RP1: variants seen among roughly 807,000 people sequenced by gnomAD.
RP1 encodes the protein RP1 axonemal microtubule associated.
Under a neutral mutation model 14.8 loss-of-function variants are expected in RP1, and 16 were observed. The observed-to-expected ratio is 1.08, with a 90% CI of 0.73 to 1.65. The LOEUF is 1.65. Ranked by LOEUF, RP1 falls within the 40% of genes most tolerant of loss-of-function variation. RP1 has a pLI of 0.00. For synonymous variants in RP1, 876 were observed against 883.6 expected (o/e 0.99, Z 0.15); for missense variants, 2,631 against 2,535.0 (o/e 1.04, Z -0.81).
intron 22 of RP1, chr8:54,769,634 C>T (rs1809852796): frequency 2.5e-6 from 2 of 795,898 alleles, no homozygotes; most frequent in South Asian, 1.8e-5. Context: ...ATTTAGTGTG[C>T]AAAATTAATG....
At chr8:54,691,545 T>C (rs1226106304) in intron 12 of RP1, among the ~76,000 whole-genome samples, 1 of 151,972 alleles carries the variant, frequency 6.6e-6, no homozygotes, top group Admixed American at 6.6e-5. Context: ...GAGCGAGAGA[T>C]GAGTGGAGAT....
chr8:54,701,841 T>G (rs1808028608), intron 14 of RP1, among the ~76,000 whole-genome samples: 1 of 152,132 alleles, frequency 6.6e-6, no homozygotes. Context: ...GATGACAGCT[T>G]TAGTAGCAAT....
intron 6 of RP1, chr8:54,656,289 A>G: frequency 7.0e-7 from 1 of 1,430,854 alleles, no homozygotes. Flanking sequence ...GGAACCAATA[A>G]ACACATGTTG....
intron 1 of RP1, among the ~76,000 whole-genome samples, chr8:54,567,631 GA>G (rs35219913): frequency 0.22 from 33,551 of 149,730 alleles, 4,103 homozygotes; most frequent in East Asian, 0.28. Flanking sequence ...TAGGTTCAGG[GA>G]AAAAAAAAAT....
chr8:54,692,567 G>A (rs1807740948), intron 12 of RP1, among the ~76,000 whole-genome samples: 1 of 57,832 alleles, frequency 1.7e-5, no homozygotes, highest in Non-Finnish European at 3.2e-5. Flanking sequence ...CTGATGGCCA[G>A]TGATAATGAG....
chr8:54,742,232 TA>T (rs1318813466), intron 19 of RP1, among the ~76,000 whole-genome samples: 12 of 152,234 alleles, frequency 7.9e-5, no homozygotes, highest in African/African-American at 2.9e-4. Context: ...CTTTAAATAC[TA>T]TATCTGTCAC....
chr8:54,679,853 A>G (rs978895885), exon 12 of RP1: 13 of 1,535,966 alleles, frequency 8.5e-6, no homozygotes, highest in East Asian at 4.9e-5. Context: ...CTTCAGTTCT[A>G]TAACAAGCTG....
At chr8:54,827,374 T>C (rs1811407697) in intron 24 of RP1, among the ~76,000 whole-genome samples, 1 of 151,952 alleles carries the variant, frequency 6.6e-6, no homozygotes. Flanking sequence ...TTGCCCAGGC[T>C]GGAGTGCAGT....
intron 16 of RP1, among the ~76,000 whole-genome samples, chr8:54,723,775 A>G (rs1015059082): frequency 4.6e-5 from 7 of 152,236 alleles, no homozygotes; most frequent in African/African-American, 1.7e-4. Flanking sequence ...TCAATATAAC[A>G]TGTAACTTTT....
At position 54,780,145 on chromosome 8, in the gene RP1, C is replaced by T. The variant is rs1810147925; in HGVS notation, c.3452-3402C>T. Reference sequence around the variant, plus strand: ...CCATATGGTCTCTGTTGCAACTACTCAACTCTGTTGTTGTAGTGTGAAAAC... The same window carrying T: ...CCATATGGTCTCTGTTGCAACTACTTAACTCTGTTGTTGTAGTGTGAAAAC... On this transcript the variant is annotated intron_variant, in intron 23 of 28. Coordinates refer to the RP1 transcript ENST00000637698. 2.6e-5 allele frequency among the ~76,000 whole-genome samples: 4 copies of T among 152,338 alleles called. No individual in the cohort carries two copies. In the South Asian group the frequency reaches 8.3e-4, roughly 32 times the overall value.
At chr8:54,740,734 A>G (rs1459930023) in intron 19 of RP1, among the ~76,000 whole-genome samples, 6 of 151,796 alleles carry the variant, frequency 4.0e-5, no homozygotes. Flanking sequence ...AAAAAATAAT[A>G]ATAAAATAAG....
chr8:54,611,320 A>G (rs78305304), upstream of RP1, among the ~76,000 whole-genome samples: 4,754 of 152,218 alleles, frequency 0.031, 117 homozygotes, highest in Middle Eastern at 0.061. Flanking sequence ...TGGAACTCCC[A>G]TAATGTGTAT....
chr8:54,716,828 T>C (rs1808416509), intron 15 of RP1, among the ~76,000 whole-genome samples: 2 of 152,234 alleles, frequency 1.3e-5, no homozygotes, highest in Admixed American at 6.5e-5. Flanking sequence ...GTCCCCATGT[T>C]GCTCTAGTAC....
intron 8 of RP1, among the ~76,000 whole-genome samples, chr8:54,674,675 A>G (rs950432569): frequency 6.6e-6 from 1 of 152,146 alleles, no homozygotes; most frequent in Admixed American, 6.6e-5. Flanking sequence ...TAGGAGGTTG[A>G]CAAAGCTGGT....
intron 1 of RP1, among the ~76,000 whole-genome samples, chr8:54,583,608 C>T (rs1469643761): frequency 1.3e-5 from 2 of 152,126 alleles, no homozygotes; most frequent in African/African-American, 4.8e-5. Flanking sequence ...TGGTAGAATT[C>T]GGCTGTGAAT....
chr8:54,743,188 GTTAAGGT>G (rs1305007220), intron 19 of RP1, among the ~76,000 whole-genome samples: 1 of 152,120 alleles, frequency 6.6e-6, no homozygotes, highest in Non-Finnish European at 1.5e-5. Flanking sequence ...ATTCCCAGTT[GTTAAGGT>G]TGCACTCCAT....
intron 6 of RP1, among the ~76,000 whole-genome samples, chr8:54,660,808 A>G (rs919101640): frequency 1.3e-5 from 2 of 152,104 alleles, no homozygotes; most frequent in African/African-American, 4.8e-5. Flanking sequence ...ACCCTGGGTA[A>G]ATATGTCAAT....
intron 1 of RP1, among the ~76,000 whole-genome samples, chr8:54,588,639 G>T (rs1804983625): frequency 6.6e-6 from 1 of 152,178 alleles, no homozygotes; most frequent in African/African-American, 2.4e-5. Flanking sequence ...TAGCCTGAAG[G>T]CGCAGGCATA....
At chr8:54,721,041 A>T (rs1808523384) in intron 16 of RP1, among the ~76,000 whole-genome samples, 1 of 152,158 alleles carries the variant, frequency 6.6e-6, no homozygotes, top group South Asian at 2.1e-4. Context: ...TTTAGCTTCT[A>T]TTGGCTTATG....
Sources: gnomAD v4.1 joint callset for allele counts (sites outside exome capture counted in the v4.1 genomes callset) on GRCh38, gnomAD v4.1.1 for gene constraint, MANE v1.5 for transcripts, NCBI Gene and HGNC (gene_info 2026-07-23, HGNC 2026-07-21) for gene names.